Variants in AGO4 observed in about 807,000 individuals in gnomAD.
The protein encoded by AGO4 is protein argonaute-4.
AGO4 carries 33 observed loss-of-function variants against 104.7 expected under a neutral mutation model. The observed-to-expected ratio is 0.32, with a 90% confidence interval of 0.24 to 0.42. AGO4 has a LOEUF of 0.42. AGO4 is among the 10% of genes least tolerant of loss of function. AGO4 has a pLI of 1.00. For synonymous variants in AGO4, 331 were observed against 364.7 expected, an observed-to-expected ratio of 0.91 and a Z score of 1.05; for missense variants, 711 against 1,083.4, an observed-to-expected ratio of 0.66 and a Z score of 4.83.
intron 15 of AGO4, among the ~76,000 whole-genome samples, chr1:35,842,001 CG>C (rs1364406371): frequency 6.6e-6 from 1 of 151,538 alleles, no homozygotes; most frequent in African/African-American, 2.4e-5. Flanking sequence ...GTTTTTGTGT[CG>C]GGGGGAGTAG....
At chr1:35,825,292 T>C (rs1643989283) in intron 3 of AGO4, 21 bp from the exon 4 acceptor site, 1 of 1,608,220 alleles carries the variant, frequency 6.2e-7, no homozygotes, top group South Asian at 1.1e-5. Context: ...TGTGTTTGTA[T>C]TCATGTATTT....
intron 2 of AGO4, among the ~76,000 whole-genome samples, chr1:35,820,861 G>A (rs78213118): frequency 0.053 from 7,998 of 152,092 alleles, 315 homozygotes; most frequent in Non-Finnish European, 0.08. Context: ...ACCTAACACT[G>A]TATAAATAAA....
chr1:35,808,531 G>T lies in AGO4; in HGVS notation c.19+96G>T. 9.2e-7 allele frequency: 1 copy of T among 1,083,952 alleles called. No individual in the cohort carries two copies. The highest frequency in any genetic ancestry group is 1.1e-6 in the Non-Finnish European group (1 of 876,096). The allele number at this position is 1,083,952 out of a possible 1,614,324, so 67.1% of individuals were successfully genotyped here. The stretch of plus-strand genomic sequence containing the variant: ...TGCCCCGTCGCCTCGCCGGGTTCGG[G>T]CCGCCAGGCCTCGGGGAAGGGGACC... On this transcript the variant is annotated intron_variant, in intron 1 of 17. Transcript: ENST00000373210. This position sits in a 1 kb window ranked among gnomAD's most constrained non-coding sequence, Gnocchi z 5.2.
chr1:35,819,719 T>G, intron 2 of AGO4, among the ~76,000 whole-genome samples: 2 of 101,114 alleles, frequency 2.0e-5, no homozygotes, highest in Admixed American at 1.5e-4. Flanking sequence ...TTCGACAGAG[T>G]GAGACTCTGT....
chr1:35,808,421 AG>A lies in AGO4; in HGVS notation c.7del (p.Ala3ArgfsTer29). 1 of 1,153,266 alleles carries A rather than the reference AG, an allele frequency of 8.7e-7. No individual in the cohort carries two copies. Among genetic ancestry groups the A allele is most frequent in the Non-Finnish European group, 1.1e-6 (1 of 938,830 alleles). The allele number at this position is 1,153,266 out of a possible 1,614,324, so 71.4% of individuals were successfully genotyped here. A position where few individuals can be genotyped will look rare whatever the true frequency, so the allele number is the denominator to read the frequency against. M[E>X]ALGPGPPASL... The stretch of plus-strand genomic sequence containing the variant: ...GAGGCGGCCCCCGCCGCCGCCATGG[AG>A]GCGCTGGGACCCGGTGAGGAGCGAG... On this transcript the variant is annotated frameshift_variant, in exon 1 of 18. Coordinates refer to ENST00000373210, the MANE Select transcript of AGO4 (RefSeq NM_017629.4). LOFTEE classifies it high-confidence loss of function. This position sits in a 1 kb window ranked among gnomAD's most constrained non-coding sequence, Gnocchi z 5.2.
At position 35,850,235 on chromosome 1, in the gene AGO4, C is replaced by G; in HGVS notation, c.2254C>G (p.Leu752Val). 6.2e-7 allele frequency: 1 copy of G among 1,613,694 alleles called. No individual in the cohort carries two copies. The highest frequency in any genetic ancestry group is 1.1e-5 in the South Asian group (1 of 91,076). Reference sequence around the variant, plus strand: ...ACATCCATCTGAGTTTGACTTTTACCTCTGTAGTCATGCAGGAATTCAGGT... The same window carrying G: ...ACATCCATCTGAGTTTGACTTTTACGTCTGTAGTCATGCAGGAATTCAGGT... ...ITHPSEFDFY[L>V]CSHAGIQGTS... The change falls in exon 16 of 18, where the codon CTC (leucine) becomes GTC (valine). Residue 752 changes from leucine to valine, a missense_variant. Around this residue, in one of 3 missense-constraint regions of AGO4, gnomAD observed 401 missense variants for 665.5 expected, o/e 0.60. Coordinates refer to ENST00000373210, the MANE Select transcript of AGO4 (RefSeq NM_017629.4).
intron 6 of AGO4, 27 bp from the exon 7 acceptor site, chr1:35,826,721 T>C (rs780083729): frequency 6.3e-7 from 1 of 1,576,732 alleles, no homozygotes; most frequent in South Asian, 1.1e-5. Context: ...AATTAACTGA[T>C]GTTTTGCCTT....
At position 35,841,486 on chromosome 1, in the gene AGO4, C is replaced by G. The variant is rs1173981103; in HGVS notation, c.2040+6C>G. The stretch of plus-strand genomic sequence containing the variant: ...CTGAGGGACAAATGAAACAGGTACT[C>G]TCATTATCCCTGTTGCCCTTCGGGG... On this transcript the variant is annotated splice_donor_region_variant and intron_variant, in intron 14 of 17. Transcript: ENST00000373210. The surrounding 1 kb of genome is among the most constrained non-coding windows in gnomAD (Gnocchi z 4.7). 1.2e-6 allele frequency: 2 copies of G among 1,610,606 alleles called. No individual in the cohort carries two copies. The highest frequency in any genetic ancestry group is 2.2e-5 in the East Asian group (1 of 44,814).
chr1:35,836,027 A>G (rs1341353847), intron 13 of AGO4, 34 bp downstream of exon 13: 3 of 1,599,856 alleles, frequency 1.9e-6, no homozygotes, highest in East Asian at 2.2e-5. Context: ...ACTTTTGTTT[A>G]AGATCTAACT....
Position 35,840,490 on chromosome 1 carries a change from G to C in AGO4, c.1725-675G>C, listed in dbSNP as rs531681458. Among the ~76,000 whole-genome samples the C allele has an allele frequency of 1.3e-4, 19 of 151,380 alleles. No homozygotes were observed. In the South Asian group the frequency reaches 2.7e-3, roughly 22 times the overall value. ...ATTTTTGTATTTTTAGTAGAAACAG[G>C]GTTTCACCGTGTTGGCCAGGCTGGT... On this transcript the variant is annotated intron_variant, in intron 13 of 17. Transcript: ENST00000373210.
intron 3 of AGO4, among the ~76,000 whole-genome samples, chr1:35,823,341 C>T (rs1197234462): frequency 6.6e-6 from 1 of 151,906 alleles, no homozygotes; most frequent in Non-Finnish European, 1.5e-5. Flanking sequence ...AAACCTCTGC[C>T]TCCCAGATTC....
In AGO4 at chr1:35,831,535, A is replaced by G. The variant is rs1225961971; in HGVS notation, c.957A>G (p.Gln319=). 6.2e-7 allele frequency: 1 copy of G among 1,613,364 alleles called. No individual in the cohort carries two copies. The highest frequency in any genetic ancestry group is 8.5e-7 in the Non-Finnish European group (1 of 1,179,832). Reference sequence around the variant, plus strand: ...AATACCCCCATCTTCCCTGTCTCCAAGTGGGACAAGAACAAAAGCATACAT... The same window carrying G: ...AATACCCCCATCTTCCCTGTCTCCAGGTGGGACAAGAACAAAAGCATACAT... The part of the protein sequence containing the change: ...QLKYPHLPCL[Q]VGQEQKHTYL... Residue 319 remains glutamine, a synonymous_variant, in exon 8 of 18, where the codon CAA becomes CAG. Coordinates refer to ENST00000373210, the MANE Select transcript of AGO4 (RefSeq NM_017629.4).
At chr1:35,824,630 T>C (rs1489950617) in intron 3 of AGO4, among the ~76,000 whole-genome samples, 4 of 151,770 alleles carry the variant, frequency 2.6e-5, no homozygotes, top group African/African-American at 9.7e-5. Flanking sequence ...GAGACCCATC[T>C]CTACAAAAAA....
intron 2 of AGO4, among the ~76,000 whole-genome samples, chr1:35,819,300 G>A (rs2148655202): frequency 6.6e-6 from 1 of 152,118 alleles, no homozygotes; most frequent in Admixed American, 6.5e-5. Context: ...ATGACTATTA[G>A]ACATGCTAGT....
Position 35,820,004 on chromosome 1 carries a change from A to T in AGO4, c.186-2858A>T, listed in dbSNP as rs79966969. Among the ~76,000 whole-genome samples, 907 of 152,248 alleles carry T rather than the reference A, an allele frequency of 6.0e-3. 5 individuals carry two copies. Among genetic ancestry groups the T allele is most frequent in the African/African-American group, 0.021 (860 of 41,562 alleles). Reference sequence around the variant, plus strand: ...AAGCACTCCAATATTTAAAGATTTAACTGAAAGATTAAAGGCGATGAGGAA... The same window carrying T: ...AAGCACTCCAATATTTAAAGATTTATCTGAAAGATTAAAGGCGATGAGGAA... On this transcript the variant is annotated intron_variant, in intron 2 of 17. Transcript: ENST00000373210.
intron 15 of AGO4, among the ~76,000 whole-genome samples, chr1:35,848,851 G>GA (rs112786665): frequency 1.9e-4 from 29 of 150,522 alleles, no homozygotes; most frequent in Middle Eastern, 3.4e-3. Context: ...ACACTTTGGG[G>GA]AAAAAAAAAT....
At chr1:35,832,941 CT>C (rs1174712260) in intron 11 of AGO4, among the ~76,000 whole-genome samples, 1 of 152,138 alleles carries the variant, frequency 6.6e-6, no homozygotes, top group Admixed American at 6.5e-5. Context: ...TGCAAGGTCT[CT>C]GGGTAAAAGT....
chr1:35,813,139 G>T (rs914072932), intron 1 of AGO4, among the ~76,000 whole-genome samples: 1 of 152,138 alleles, frequency 6.6e-6, no homozygotes, highest in African/African-American at 2.4e-5. Flanking sequence ...GCCGGGCGCA[G>T]TGGCTCACGC....
At chr1:35,822,051 A>AT (rs1024099293) in intron 2 of AGO4, among the ~76,000 whole-genome samples, 19 of 151,184 alleles carry the variant, frequency 1.3e-4, no homozygotes, top group African/African-American at 4.1e-4. Flanking sequence ...TAAGTTTTCT[A>AT]TTTTTTTTAG....
Sources: gnomAD v4.1 joint callset for allele counts (sites outside exome capture counted in the v4.1 genomes callset) on GRCh38, gnomAD v4.1.1 for gene constraint, gnomAD v4.1.1 regional missense constraint, Gnocchi (gnomAD v3.1) non-coding constraint, MANE v1.5 for transcripts, NCBI Gene and HGNC (gene_info 2026-07-23, HGNC 2026-07-21) for gene names.